GNB4: variants seen among roughly 807,000 people sequenced by gnomAD.
GNB4 encodes G protein subunit beta 4, also known as guanine nucleotide-binding protein subunit beta-4.
In GNB4, 28 loss-of-function variants were observed where a neutral mutation model predicts 45.2. The ratio of observed to expected loss-of-function variants is 0.62; its 90% CI spans 0.46 to 0.85. The LOEUF (loss-of-function observed/expected upper bound fraction) is 0.85. Among genes scored for constraint, GNB4 ranks in the 40% least tolerant of loss-of-function variants. The pLI, the probability that GNB4 is intolerant of heterozygous loss-of-function variation, is 0.00. For synonymous variants in GNB4, 132 were observed against 143.7 expected, an observed-to-expected ratio of 0.92 and a Z score of 0.58; for missense variants, 321 against 425.4, an observed-to-expected ratio of 0.75 and a Z score of 2.16.
chr3:179,414,727 C>CTA lies in GNB4; in HGVS notation c.430+156_430+157dup, dbSNP rs79503118. On this transcript the variant is annotated intron_variant, in intron 6 of 9. Transcript: ENST00000232564. ...AAAATTATGATCAACGTTTGTATGA[C>CTA]TATAAAAAGTTAATGTTTCCTTTGT... Among the ~76,000 whole-genome samples, 27,863 of 152,086 alleles carry CTA rather than the reference C, an allele frequency of 0.18. 3,088 individuals carry two copies. Among genetic ancestry groups the CTA allele is most frequent in the East Asian group, 0.36 (1,845 of 5,154 alleles).
chr3:179,472,552 C>G, the GNB4 span, among the ~76,000 whole-genome samples: 12 of 151,892 alleles, frequency 7.9e-5, no homozygotes, highest in South Asian at 2.5e-3. Flanking sequence ...TTTGTAGAGA[C>G]AGGGTTCTGC....
the GNB4 span, chr3:179,465,048 C>T: frequency 1.3e-6 from 2 of 1,498,974 alleles, no homozygotes; most frequent in Non-Finnish European, 1.9e-6. Context: ...TATCGATATA[C>T]TTCCAAAGAG....
chr3:179,480,237 A>T, the GNB4 span, among the ~76,000 whole-genome samples: 1 of 152,314 alleles, frequency 6.6e-6, no homozygotes, highest in South Asian at 2.1e-4. Flanking sequence ...TTTATAAATT[A>T]CCCAGTCTGT....
chr3:179,463,491 C>G, the GNB4 span, among the ~76,000 whole-genome samples: 1 of 152,146 alleles, frequency 6.6e-6, no homozygotes, highest in African/African-American at 2.4e-5. Flanking sequence ...GGCACTCTGC[C>G]AAGTGCTTGT....
chr3:179,420,891 G>A lies in GNB4; in HGVS notation c.94C>T (p.Gln32Ter). The part of the protein sequence containing the change: ...RKACNDATLV[Q>*]ITSNMDSVGR... ...AATAAAGAAAAACAAAACTTTACCT[G>A]AACAAGCGTTGCATCATTACATGCT... Residue 32 changes from glutamine (Q) to a stop codon, truncating the protein, a stop_gained and splice_region_variant, in exon 3 of 10, where the codon CAG becomes TAG. Transcript: ENST00000232564. LOFTEE classifies it high-confidence loss of function. The A allele has an allele frequency of 1.3e-6, 2 of 1,585,468 alleles. No homozygotes were observed. The highest frequency in any genetic ancestry group is 1.7e-6 in the Non-Finnish European group (2 of 1,158,712).
At chr3:179,425,831 TTG>T (rs749140031) in intron 2 of GNB4, among the ~76,000 whole-genome samples, 9 of 152,232 alleles carry the variant, frequency 5.9e-5, no homozygotes, top group Non-Finnish European at 1.3e-4. Context: ...TGACATTATA[TTG>T]TGACACTATC....
chr3:179,450,330 G>A (rs1416287624), intron 1 of GNB4, among the ~76,000 whole-genome samples: 1 of 152,140 alleles, frequency 6.6e-6, no homozygotes, highest in Non-Finnish European at 1.5e-5. Flanking sequence ...CCTCCTCTCC[G>A]ACTAGAAATA....
intron 3 of GNB4, 135 bp downstream of exon 3, chr3:179,420,754 C>T (rs561541562): frequency 4.4e-5 from 29 of 666,508 alleles, no homozygotes; most frequent in East Asian, 1.7e-4. Flanking sequence ...TGACAAATTA[C>T]GAAGTGCTTT....
the GNB4 span, among the ~76,000 whole-genome samples, chr3:179,518,597 C>T: frequency 1.3e-5 from 2 of 152,168 alleles, no homozygotes; most frequent in African/African-American, 4.8e-5. Flanking sequence ...ATCACCTCCC[C>T]TCTTCACACT....
At chr3:179,480,596 C>G in the GNB4 span, among the ~76,000 whole-genome samples, 395 of 152,202 alleles carry the variant, frequency 2.6e-3, no homozygotes, top group African/African-American at 9.1e-3. Flanking sequence ...ACTTCACCCC[C>G]CAACCCCATC....
At chr3:179,517,601 A>G in the GNB4 span, among the ~76,000 whole-genome samples, 19 of 152,262 alleles carry the variant, frequency 1.2e-4, no homozygotes, top group South Asian at 3.9e-3. Context: ...CAACCAGCCC[A>G]AGGAACATCT....
chr3:179,403,925 G>GAT (rs1403664526), intron 9 of GNB4, among the ~76,000 whole-genome samples: 1 of 152,020 alleles, frequency 6.6e-6, no homozygotes, highest in African/African-American at 2.4e-5. Flanking sequence ...AGGGAATGAT[G>GAT]ATAATAGAGA....
At chr3:179,483,033 C>T in the GNB4 span, among the ~76,000 whole-genome samples, 1 of 152,168 alleles carries the variant, frequency 6.6e-6, no homozygotes, top group South Asian at 2.1e-4. Context: ...GATAATAAAA[C>T]CATGATGGCC....
chr3:179,414,295 G>A (rs1015940716), intron 6 of GNB4, among the ~76,000 whole-genome samples: 2 of 152,120 alleles, frequency 1.3e-5, no homozygotes, highest in Non-Finnish European at 2.9e-5. Flanking sequence ...GCATTTGAAT[G>A]CTTAGCATTC....
At chr3:179,459,163 T>C in the GNB4 span, among the ~76,000 whole-genome samples, 1 of 152,222 alleles carries the variant, frequency 6.6e-6, no homozygotes, top group Non-Finnish European at 1.5e-5. Context: ...TCCTCCTTAC[T>C]CTTCCCAACC....
intron 1 of GNB4, among the ~76,000 whole-genome samples, chr3:179,426,646 G>A (rs6769014): frequency 0.058 from 8,803 of 151,930 alleles, 663 homozygotes; most frequent in African/African-American, 0.18. Context: ...CTCAGGAAAC[G>A]GCAAGACCAT....
chr3:179,401,182 T>C lies in GNB4; in HGVS notation c.*31A>G, dbSNP rs766874445. 49 of 1,469,748 alleles carry C rather than the reference T, an allele frequency of 3.3e-5. 1 individual carries two copies. The highest frequency in any genetic ancestry group is 4.6e-5 in the Non-Finnish European group (48 of 1,053,054). The allele number at this position is 1,469,748 out of a possible 1,614,324, so 91.0% of individuals were successfully genotyped here. A position where few individuals can be genotyped will look rare whatever the true frequency, so the allele number is the denominator to read the frequency against. ...GCTGTAGCATTGATTTCTCCAGATATATCAATGGAGAACAAATATGTATGA... is the reference window on the plus strand; with the variant it reads ...GCTGTAGCATTGATTTCTCCAGATACATCAATGGAGAACAAATATGTATGA... On this transcript the variant is annotated 3_prime_UTR_variant, in exon 10 of 10. Coordinates refer to ENST00000232564, the MANE Select transcript of GNB4 (RefSeq NM_021629.4).
the GNB4 span, among the ~76,000 whole-genome samples, chr3:179,485,698 T>C: frequency 6.6e-6 from 1 of 152,262 alleles, no homozygotes; most frequent in Admixed American, 6.5e-5. Context: ...CCCAGCACTT[T>C]GGGAGGCCGA....
the GNB4 span, among the ~76,000 whole-genome samples, chr3:179,466,007 G>GTTTTT: frequency 1.1e-5 from 1 of 90,912 alleles, no homozygotes; most frequent in Non-Finnish European, 2.1e-5. Context: ...TCCTCTAGTC[G>GTTTTT]TTTTTTTTTT....
Sources: allele counts gnomAD v4.1 joint callset (sites outside exome capture counted in the v4.1 genomes callset), GRCh38; gene constraint gnomAD v4.1.1; transcripts MANE v1.5; gene names NCBI Gene and HGNC (gene_info 2026-07-23, HGNC 2026-07-21).